RRN3: variants seen among roughly 807,000 people sequenced by gnomAD.
RRN3 encodes RNA polymerase I transcription factor RRN3, also known as RNA polymerase I-specific transcription initiation factor RRN3.
A neutral mutation model predicts 82.3 loss-of-function variants in RRN3; 38 were observed. The observed-to-expected ratio is 0.46, with a 90% confidence interval of 0.36 to 0.61. The LOEUF is 0.61. RRN3 is among the 20% of genes least tolerant of loss of function. RRN3 has a pLI of 0.00. For synonymous variants in RRN3, 284 were observed against 284.3 expected, an observed-to-expected ratio of 1.00 and a Z score of 0.01; for missense variants, 726 against 793.1, an observed-to-expected ratio of 0.92 and a Z score of 1.02.
At chr16:15,090,365 C>A (rs966280050) in intron 3 of RRN3, among the ~76,000 whole-genome samples, 1 of 152,128 alleles carries the variant, frequency 6.6e-6, no homozygotes, top group African/African-American at 2.4e-5. Context: ...CAATTATTGC[C>A]CTTACTTTGA....
chr16:15,083,576 C>A lies in RRN3; in HGVS notation c.603G>T (p.Pro201=), dbSNP rs556979990. ...QIIARYVPST[P]WFLMPILVEK... The stretch of plus-strand genomic sequence containing the variant: ...CCACCAGTATTGGCATGAGAAACCA[C>A]GGTGTCCTATTTTTAAAAAATTAAA... Residue 201 remains proline, a synonymous_variant, in exon 8 of 18, where the codon CCG becomes CCT. Coordinates refer to ENST00000198767, the MANE Select transcript of RRN3 (RefSeq NM_018427.5). 5.0e-6 allele frequency: 8 copies of A among 1,606,176 alleles called. No homozygotes were observed. In the East Asian group the frequency reaches 1.6e-4, roughly 31 times the overall value.
chr16:15,073,396 G>C (rs929486263), intron 11 of RRN3, among the ~76,000 whole-genome samples: 1 of 152,204 alleles, frequency 6.6e-6, no homozygotes, highest in Non-Finnish European at 1.5e-5. Flanking sequence ...GGTCAAGGCT[G>C]CAGTAAGCCA....
At chr16:15,082,190 A>C (rs2045735251) in intron 8 of RRN3, among the ~76,000 whole-genome samples, 1 of 152,172 alleles carries the variant, frequency 6.6e-6, no homozygotes, top group Non-Finnish European at 1.5e-5. Context: ...TTGGTCTTTC[A>C]CCAATGAATA....
rs577327109 is a variant in RRN3 at position 15,080,663 on chromosome 16, C to T, written c.667-567G>A. ...CCAGGCTGGTCTTCAACTCCTGGAT[C>T]TTCCCACTTCAGCCTCCTGAAGTGC... is the stretch of plus-strand genomic sequence containing the variant. On this transcript the variant is annotated intron_variant, in intron 8 of 17. Transcript: ENST00000198767. Among the ~76,000 whole-genome samples, 22 of 152,266 alleles carry T rather than the reference C, an allele frequency of 1.4e-4. 1 individual carries two copies. In the South Asian group the frequency reaches 4.1e-3, roughly 29 times the overall value.
intron 10 of RRN3, 170 bp downstream of exon 10, chr16:15,076,388 G>C: frequency 1.6e-6 from 1 of 638,286 alleles, no homozygotes; most frequent in Non-Finnish European, 2.8e-6. Flanking sequence ...GACCAACTAT[G>C]CTAAGTGCTA....
chr16:15,069,311 T>C (rs2045120687), intron 14 of RRN3, among the ~76,000 whole-genome samples: 1 of 152,156 alleles, frequency 6.6e-6, no homozygotes, highest in Non-Finnish European at 1.5e-5. Flanking sequence ...CGATGAAGGA[T>C]GATGCAGCCC....
At position 15,086,084 on chromosome 16, in the gene RRN3, T is replaced by C. The variant is rs371584742; in HGVS notation, c.472+45A>G. 26 of 1,565,200 alleles carry C rather than the reference T, an allele frequency of 1.7e-5. No homozygotes were observed. The African/African-American group carries it at 3.3e-4, about 20-fold the overall frequency. On this transcript the variant is annotated intron_variant, in intron 5 of 17. Coordinates refer to ENST00000198767, the MANE Select transcript of RRN3 (RefSeq NM_018427.5). ...ATATAAGGGGAAGGTAGTATTTTAA[T>C]AAAGAAGTATTAAAAAGAAAATAAA...
intron 8 of RRN3, among the ~76,000 whole-genome samples, 158 bp downstream of exon 8, chr16:15,083,355 C>T (rs902207018): frequency 9.9e-5 from 15 of 151,930 alleles, no homozygotes; most frequent in African/African-American, 2.7e-4. Flanking sequence ...GCCAAGATGA[C>T]GCCATTGCAC....
At chr16:15,092,474 A>T in intron 2 of RRN3, 35 bp downstream of exon 2, 1 of 1,416,190 alleles carries the variant, frequency 7.1e-7, no homozygotes, top group Non-Finnish European at 1.0e-6. Context: ...TTCTGACCTA[A>T]CCAAAAGCAA....
At chr16:15,069,096 A>G (rs1252350780) in intron 14 of RRN3, among the ~76,000 whole-genome samples, 1 of 152,250 alleles carries the variant, frequency 6.6e-6, no homozygotes, top group African/African-American at 2.4e-5. Flanking sequence ...TGTAGGATGT[A>G]GGTAAACATA....
intron 12 of RRN3, 67 bp downstream of exon 12, chr16:15,072,883 T>C: frequency 6.4e-7 from 1 of 1,564,486 alleles, no homozygotes; most frequent in Non-Finnish European, 8.7e-7. Flanking sequence ...TCCACCCCAG[T>C]TTTTAGGGAA....
rs538331117 is a variant in RRN3, at chr16:15,075,466, G to C, written c.859-605C>G. On this transcript the variant is annotated intron_variant, in intron 10 of 17. Transcript: ENST00000198767. The stretch of plus-strand genomic sequence containing the variant: ...TACACTGTAGTCCCAGCTACTCGGG[G>C]AGGCTGAGGTGGGCAGATCACTTGG... Among the ~76,000 whole-genome samples, 10 of 151,832 alleles carry C rather than the reference G, an allele frequency of 6.6e-5. No homozygotes were observed. In the South Asian group the frequency reaches 1.3e-3, roughly 19 times the overall value.
intron 6 of RRN3, 115 bp downstream of exon 6, chr16:15,085,524 C>T: frequency 2.1e-6 from 3 of 1,457,358 alleles, no homozygotes; most frequent in East Asian, 5.0e-5. Context: ...CACTATGTTG[C>T]CCAGGCTGGT....
intron 6 of RRN3, 121 bp from the exon 7 acceptor site, chr16:15,084,826 G>A (rs2151811856): frequency 1.4e-6 from 1 of 736,958 alleles, no homozygotes; most frequent in South Asian, 1.5e-5. Context: ...AGCACTTTGG[G>A]AGGCCGAGGT....
At chr16:15,080,958 A>G (rs891722963) in intron 8 of RRN3, among the ~76,000 whole-genome samples, 1 of 152,160 alleles carries the variant, frequency 6.6e-6, no homozygotes, top group Non-Finnish European at 1.5e-5. Context: ...TTAGGGTTCA[A>G]TCATGTTGTA....
intron 17 of RRN3, 106 bp downstream of exon 17, chr16:15,063,090 A>C: frequency 2.3e-6 from 2 of 859,086 alleles, no homozygotes; most frequent in Middle Eastern, 3.2e-4. Context: ...TTGACCCCCT[A>C]AAGTGCGGGG....
intron 15 of RRN3, among the ~76,000 whole-genome samples, chr16:15,066,977 T>C (rs2045007804): frequency 6.6e-6 from 1 of 151,614 alleles, no homozygotes; most frequent in South Asian, 2.1e-4. Context: ...CCCGAGAACA[T>C]ACCAGGGGCA....
intron 12 of RRN3, 85 bp downstream of exon 12, chr16:15,072,865 G>T: frequency 7.6e-7 from 1 of 1,323,764 alleles, no homozygotes. Flanking sequence ...TTTACTTCAT[G>T]GTCTCCGTCC....
chr16:15,093,548 G>A (rs1437569212), intron 1 of RRN3, among the ~76,000 whole-genome samples: 2 of 152,128 alleles, frequency 1.3e-5, no homozygotes, highest in South Asian at 2.1e-4. Flanking sequence ...CAGTAAGCAG[G>A]AGCTCGATAA....
Sources: gnomAD v4.1 joint callset for allele counts (sites outside exome capture counted in the v4.1 genomes callset) on GRCh38, gnomAD v4.1.1 for gene constraint, MANE v1.5 for transcripts, NCBI Gene and HGNC (gene_info 2026-07-23, HGNC 2026-07-21) for gene names.